Variants in GLOD4 observed in about 807,000 individuals in gnomAD.
GLOD4 encodes glyoxalase domain containing 4.
GLOD4 carries 44 observed loss-of-function variants against 39.1 expected under a neutral mutation model. The ratio of observed to expected loss-of-function variants is 1.13; its 90% CI spans 0.88 to 1.45. The LOEUF is 1.45. GLOD4 is among the 40% of genes most tolerant of loss of function. The probability of loss-of-function intolerance (pLI) is 0.00; values close to 1 mark genes in which losing one functional copy is unlikely to be tolerated. For missense variants in GLOD4, 405 were observed against 366.4 expected (o/e 1.11, Z -0.86); for synonymous variants, 145 against 135.0 (o/e 1.07, Z -0.52).
At chr17:778,834 T>A in intron 1 of GLOD4, 90 bp from the exon 2 acceptor site, 1 of 707,506 alleles carries the variant, frequency 1.4e-6, no homozygotes, top group Non-Finnish European at 2.5e-6. Context: ...ACACAAACAT[T>A]ATCATTTATA....
chr17:783,332 G>C (rs967048574), upstream of GLOD4: 10 of 1,577,512 alleles, frequency 6.3e-6, no homozygotes, highest in Non-Finnish European at 8.6e-6. Context: ...TAATGGGTTA[G>C]TGATTACCCA....
In GLOD4 at chr17:759,858, A is replaced by G; in HGVS notation, c.*315T>C. ...GGTAACCCTAACTATCCGCAATCCC[A>G]ACCAAAGTCATGTTCATGCCGCTGT... is the stretch of plus-strand genomic sequence containing the variant. On this transcript the variant is annotated 3_prime_UTR_variant, in exon 9 of 9. Coordinates refer to ENST00000301329, the MANE Select transcript of GLOD4 (RefSeq NM_016080.4). The G allele has an allele frequency of 3.3e-6, 1 of 304,816 alleles. No homozygotes were observed. The allele number at this position is 304,816 out of a possible 1,614,324, so 18.9% of individuals were successfully genotyped here.
chr17:782,791 C>T, upstream of GLOD4: 1 of 1,296,604 alleles, frequency 7.7e-7, no homozygotes, highest in Non-Finnish European at 1.0e-6. Context: ...TCCAGTACAG[C>T]CCGCTGGTTT....
At chr17:778,300 G>A (rs577117923) in intron 2 of GLOD4, 23 of 329,632 alleles carry the variant, frequency 7.0e-5, no homozygotes, top group Middle Eastern at 8.0e-4. Flanking sequence ...CTGACGTGGC[G>A]GAAAATCTTC....
At chr17:775,230 C>T (rs970539036) in intron 4 of GLOD4, among the ~76,000 whole-genome samples, 1 of 151,280 alleles carries the variant, frequency 6.6e-6, no homozygotes, top group Non-Finnish European at 1.5e-5. Flanking sequence ...GAGATCATGC[C>T]AGTACACTCC....
At chr17:782,530 A>T (rs772531207), upstream of GLOD4, 7 of 1,613,630 alleles carry the variant, frequency 4.3e-6, no homozygotes, top group Non-Finnish European at 5.9e-6. Flanking sequence ...GTGGAACAGA[A>T]GCGCGCTCCT....
intron 3 of GLOD4, among the ~76,000 whole-genome samples, chr17:776,359 A>G (rs969126197): frequency 1.3e-5 from 2 of 152,240 alleles, no homozygotes; most frequent in African/African-American, 4.8e-5. Flanking sequence ...TGAGAAGACC[A>G]GCCTTGTTTC....
intron 8 of GLOD4, among the ~76,000 whole-genome samples, chr17:768,897 A>C (rs1205550335): frequency 6.6e-6 from 1 of 151,180 alleles, no homozygotes; most frequent in Non-Finnish European, 1.5e-5. Context: ...TGAGAGAGAG[A>C]AACAGCGCGC....
intron 4 of GLOD4, among the ~76,000 whole-genome samples, chr17:775,214 T>G (rs1597585559): frequency 6.8e-6 from 1 of 147,754 alleles, no homozygotes; most frequent in Non-Finnish European, 1.5e-5. Flanking sequence ...GAGGTTGCAG[T>G]GAGCAGAGAT....
chr17:781,814 C>G (rs539150999), intron 1 of GLOD4: 3 of 249,494 alleles, frequency 1.2e-5, no homozygotes, highest in African/African-American at 6.8e-5. Context: ...GGCTCCAAAC[C>G]GGAAAACACA....
At chr17:773,583 T>C (rs1395653366) in intron 4 of GLOD4, among the ~76,000 whole-genome samples, 1 of 152,098 alleles carries the variant, frequency 6.6e-6, no homozygotes, top group Non-Finnish European at 1.5e-5. Flanking sequence ...AGAATAAAAG[T>C]CATATTGAAA....
intron 5 of GLOD4, 135 bp from the exon 6 acceptor site, chr17:770,642 C>CAA (rs1448415503): frequency 8.3e-6 from 5 of 603,226 alleles, no homozygotes; most frequent in Admixed American, 5.4e-5. Context: ...ACCCCAGAGA[C>CAA]AACTAGTCCA....
chr17:771,529 C>T (rs1239418192), intron 4 of GLOD4, 68 bp from the exon 5 acceptor site: 9 of 830,958 alleles, frequency 1.1e-5, no homozygotes, highest in Middle Eastern at 2.4e-4. Context: ...CCAAAACATG[C>T]GCATGTATAC....
intron 8 of GLOD4, among the ~76,000 whole-genome samples, chr17:762,492 G>A (rs368343782): frequency 1.3e-5 from 1 of 79,994 alleles, no homozygotes; most frequent in Admixed American, 1.2e-4. Flanking sequence ...GGCCCCGGCC[G>A]GCACCTACTC....
chr17:785,552 C>T (rs574645096), upstream of GLOD4, among the ~76,000 whole-genome samples: 9 of 152,178 alleles, frequency 5.9e-5, no homozygotes, highest in South Asian at 1.9e-3. Flanking sequence ...GAGGACAGAG[C>T]GGTCGCCAGT....
chr17:783,368 G>A (rs1055673100), upstream of GLOD4: 20 of 1,510,916 alleles, frequency 1.3e-5, no homozygotes, highest in Admixed American at 2.6e-4. Context: ...TTTTTGTCTT[G>A]TTCTGTCACC....
At chr17:774,733 T>G (rs1908597791) in intron 4 of GLOD4, among the ~76,000 whole-genome samples, 2 of 152,228 alleles carry the variant, frequency 1.3e-5, no homozygotes, top group South Asian at 4.2e-4. Context: ...ACAGGAAGTT[T>G]GCTGGAAGAT....
chr17:777,963 G>C (rs1239936550), intron 2 of GLOD4, among the ~76,000 whole-genome samples: 2 of 152,266 alleles, frequency 1.3e-5, no homozygotes, highest in East Asian at 3.9e-4. Flanking sequence ...GAAAGGGATG[G>C]AGACTGGGCT....
At chr17:768,701 GGAA>G in intron 8 of GLOD4, among the ~76,000 whole-genome samples, 1 of 20,598 alleles carries the variant, frequency 4.9e-5, no homozygotes, top group African/African-American at 1.9e-4. Context: ...GATTTTTAGA[GGAA>G]GAAATCTGGA....
Sources: gnomAD v4.1 joint callset for allele counts (sites outside exome capture counted in the v4.1 genomes callset) on GRCh38, gnomAD v4.1.1 for gene constraint, MANE v1.5 for transcripts, NCBI Gene and HGNC (gene_info 2026-07-23, HGNC 2026-07-21) for gene names.